The following EPHB1 variants were observed in gnomAD, a reference collection of about 807,000 sequenced individuals.
EPHB1 encodes the protein ephrin type-B receptor 1.
A neutral mutation model predicts 94.4 loss-of-function variants in EPHB1; 30 were observed. That is an observed-to-expected ratio of 0.32 (90% CI 0.24 to 0.43). The LOEUF (loss-of-function observed/expected upper bound fraction) is 0.43, where lower values mean the gene tolerates loss of function less well. Ranked by LOEUF, EPHB1 falls within the 20% of genes least tolerant of loss-of-function variation. The probability of loss-of-function intolerance (pLI) is 1.00; values close to 1 mark genes in which losing one functional copy is unlikely to be tolerated. For synonymous variants in EPHB1, 522 were observed against 489.1 expected (o/e 1.07, Z -0.89); for missense variants, 1,055 against 1,308.3 (o/e 0.81, Z 2.99).
chr3:135,258,754 C>G (rs147044102), intron 15 of EPHB1, among the ~76,000 whole-genome samples: 1 of 152,102 alleles, frequency 6.6e-6, no homozygotes, highest in Non-Finnish European at 1.5e-5. Context: ...CCTTAGAGCC[C>G]GTACATAAGG....
intron 9 of EPHB1, among the ~76,000 whole-genome samples, chr3:135,170,910 C>T (rs1576443146): frequency 1.3e-5 from 2 of 152,254 alleles, no homozygotes; most frequent in East Asian, 3.9e-4. Flanking sequence ...CATCCGTGTG[C>T]AGGCAACTGC....
intron 1 of EPHB1, among the ~76,000 whole-genome samples, chr3:134,919,826 C>T (rs536907601): frequency 6.6e-6 from 1 of 150,492 alleles, no homozygotes; most frequent in Non-Finnish European, 1.5e-5. Context: ...CCAGTATGGA[C>T]TGTCTTAGGG....
rs865881468 is a variant in EPHB1, at chr3:134,977,539, C to G, written c.805+25487C>G. ...TGTCCCTTTTTCTCCACATCCCCTGCCTCCATTTCTCCTGCCATGCTGACC... is the reference window on the plus strand; with the variant it reads ...TGTCCCTTTTTCTCCACATCCCCTGGCTCCATTTCTCCTGCCATGCTGACC... On this transcript the variant is annotated intron_variant, in intron 3 of 15. Coordinates refer to ENST00000398015, the MANE Select transcript of EPHB1 (RefSeq NM_004441.5). 1.2e-4 allele frequency among the ~76,000 whole-genome samples: 18 copies of G among 152,332 alleles called. No homozygotes were observed. In the Middle Eastern group the frequency reaches 0.01, roughly 86 times the overall value.
At chr3:135,013,397 G>A (rs758585822) in intron 3 of EPHB1, among the ~76,000 whole-genome samples, 13 of 152,200 alleles carry the variant, frequency 8.5e-5, no homozygotes, top group Non-Finnish European at 1.6e-4. Context: ...AGTGGGAAAT[G>A]AGCAGATTGC....
chr3:135,227,478 C>T (rs1943429445), intron 12 of EPHB1, among the ~76,000 whole-genome samples: 1 of 152,142 alleles, frequency 6.6e-6, no homozygotes, highest in Non-Finnish European at 1.5e-5. Context: ...TCATACCATA[C>T]ATAATGATCT....
intron 2 of EPHB1, among the ~76,000 whole-genome samples, chr3:134,926,780 T>C (rs1464850833): frequency 6.6e-6 from 1 of 152,206 alleles, no homozygotes; most frequent in Non-Finnish European, 1.5e-5. Flanking sequence ...GTCACACTTG[T>C]TGACAGGATT....
At chr3:135,171,867 G>T (rs772559470) in intron 9 of EPHB1, among the ~76,000 whole-genome samples, 4 of 152,140 alleles carry the variant, frequency 2.6e-5, no homozygotes, top group Non-Finnish European at 5.9e-5. Flanking sequence ...AAGAAACAAA[G>T]CCTCAGAGAG....
At position 134,951,813 on chromosome 3, in the gene EPHB1, T is replaced by A; in HGVS notation, c.566T>A (p.Val189Asp). The change falls in exon 3 of 16, where the codon GTC becomes GAC. Residue 189 changes from valine (V) to aspartate (D), a missense_variant. Physicochemically the swap from Val to Asp is radical, Grantham distance 152. Coordinates refer to ENST00000398015, the MANE Select transcript of EPHB1 (RefSeq NM_004441.5). This position sits in a 1 kb window ranked among gnomAD's most constrained non-coding sequence, Gnocchi z 4.5. Reference protein sequence around the residue: ...DYGACMSLLSVRVFFKKCPSI... With the variant: ...DYGACMSLLSDRVFFKKCPSI... ...GGAGCCTGTATGTCTCTTCTTTCTGTCCGTGTCTTCTTCAAAAAGTGTCCC... is the reference window on the plus strand; with the variant it reads ...GGAGCCTGTATGTCTCTTCTTTCTGACCGTGTCTTCTTCAAAAAGTGTCCC... 1 of 1,614,044 alleles carries A rather than the reference T, an allele frequency of 6.2e-7. No homozygotes were observed. Among genetic ancestry groups the A allele is most frequent in the Non-Finnish European group, 8.5e-7 (1 of 1,179,894 alleles).
chr3:135,184,713 G>T (rs746981286), intron 10 of EPHB1, among the ~76,000 whole-genome samples: 34 of 152,298 alleles, frequency 2.2e-4, no homozygotes, highest in Non-Finnish European at 3.5e-4. Context: ...TCTGAAAGTG[G>T]CCCAGTAGAG....
At chr3:134,857,446 G>A (rs1040522660) in intron 1 of EPHB1, among the ~76,000 whole-genome samples, 6 of 152,140 alleles carry the variant, frequency 3.9e-5, no homozygotes, top group African/African-American at 9.7e-5. Context: ...ACCAGGACGC[G>A]TATGGGCCAC....
Position 135,249,314 on chromosome 3 carries a change from C to T in EPHB1, c.2691-22C>T, listed in dbSNP as rs1184692836. The T allele has an allele frequency of 2.5e-6, 4 of 1,599,662 alleles. No homozygotes were observed. The Admixed American group carries it at 6.7e-5, about 27-fold the overall frequency. ...ATGCATCTCTGCAATGTGTGGTCACCTGCCCATCTCTGTCTCACCAGGCCT... is the reference window on the plus strand; with the variant it reads ...ATGCATCTCTGCAATGTGTGGTCACTTGCCCATCTCTGTCTCACCAGGCCT... On this transcript the variant is annotated intron_variant, in intron 14 of 15. Transcript: ENST00000398015.
chr3:135,115,032 A>G (rs1032301285), intron 4 of EPHB1, among the ~76,000 whole-genome samples: 3 of 152,220 alleles, frequency 2.0e-5, no homozygotes, highest in African/African-American at 7.2e-5. Context: ...GAAAGAAAGA[A>G]TGTTGACTGG....
At chr3:134,820,273 A>G (rs2036354581) in intron 1 of EPHB1, among the ~76,000 whole-genome samples, 1 of 152,210 alleles carries the variant, frequency 6.6e-6, no homozygotes, top group African/African-American at 2.4e-5. Flanking sequence ...GTCTGGGAAA[A>G]GCAGGTTTAG....
intron 9 of EPHB1, among the ~76,000 whole-genome samples, chr3:135,168,091 T>C (rs1169100322): frequency 6.6e-6 from 1 of 152,208 alleles, no homozygotes; most frequent in Non-Finnish European, 1.5e-5. Context: ...GGAGCTTGTG[T>C]TCTAATGCAG....
rs114596859 is a variant in EPHB1, at chr3:134,848,605, G to T, written c.58+52916G>T. Among the ~76,000 whole-genome samples, 811 of 152,326 alleles carry T rather than the reference G, an allele frequency of 5.3e-3. 3 individuals carry two copies. Among genetic ancestry groups the T allele is most frequent in the African/African-American group, 0.019 (777 of 41,560 alleles). The stretch of plus-strand genomic sequence containing the variant: ...AGATTAATATTGACAATTTAAAATA[G>T]AAATAACTTTTTATTGCCATTATGG... On this transcript the variant is annotated intron_variant, in intron 1 of 15. Transcript: ENST00000398015.
chr3:135,254,608 C>T lies in EPHB1; in HGVS notation c.2847-4404C>T, dbSNP rs182181255. 8.5e-3 allele frequency among the ~76,000 whole-genome samples: 1,286 copies of T among 152,160 alleles called. 18 individuals are homozygous for T. The highest frequency in any genetic ancestry group is 0.028 in the African/African-American group (1,178 of 41,504). ...AAGCTTTTTGATGTGCTGCTGGATTCGGTTTGCCAGTATTTTATTGAAGAT... is the reference window on the plus strand; with the variant it reads ...AAGCTTTTTGATGTGCTGCTGGATTTGGTTTGCCAGTATTTTATTGAAGAT... On this transcript the variant is annotated intron_variant, in intron 15 of 15. Transcript: ENST00000398015.
Position 135,166,070 on chromosome 3 carries a change from G to A in EPHB1, c.1688G>A (p.Cys563Tyr), listed in dbSNP as rs1176702421. The stretch of plus-strand genomic sequence containing the variant: ...TCCTTGGTGGCCATCTCTATCGTCT[G>A]TAGCAGGTAGGTCCTCCACTCTCAC... ...VVSLVAISIV[C>Y]SRKRAYSKEA... Residue 563 changes from cysteine to tyrosine, a missense_variant, in exon 8 of 16, where the codon TGT becomes TAT. Physicochemically the swap from Cys to Tyr is radical, Grantham distance 194. Coordinates refer to ENST00000398015, the MANE Select transcript of EPHB1 (RefSeq NM_004441.5). The A allele has an allele frequency of 6.2e-7, 1 of 1,613,358 alleles. No individual in the cohort carries two copies. The highest frequency in any genetic ancestry group is 2.2e-5 in the East Asian group (1 of 44,880).
intron 10 of EPHB1, among the ~76,000 whole-genome samples, chr3:135,192,083 C>G (rs1942469508): frequency 6.6e-6 from 1 of 152,234 alleles, no homozygotes; most frequent in Non-Finnish European, 1.5e-5. Flanking sequence ...TGTCTGTTTT[C>G]TGGGGCACCC....
At chr3:134,853,639 G>C (rs995918588) in intron 1 of EPHB1, among the ~76,000 whole-genome samples, 1 of 152,218 alleles carries the variant, frequency 6.6e-6, no homozygotes, top group African/African-American at 2.4e-5. Flanking sequence ...CTGGAGCTCG[G>C]AGGAGAGGTC....
Sources: gnomAD v4.1 joint callset for allele counts (sites outside exome capture counted in the v4.1 genomes callset) on GRCh38, gnomAD v4.1.1 for gene constraint, Gnocchi (gnomAD v3.1) non-coding constraint, MANE v1.5 for transcripts, NCBI Gene and HGNC (gene_info 2026-07-23, HGNC 2026-07-21) for gene names.